Variants in ROBO1 observed in about 807,000 individuals in gnomAD.
The protein encoded by ROBO1 is roundabout homolog 1.
Under a neutral mutation model 195.9 loss-of-function variants are expected in ROBO1, and 149 were observed. The observed-to-expected ratio is 0.76, with a 90% CI of 0.67 to 0.87. ROBO1 has a LOEUF of 0.87. Ranked by LOEUF, ROBO1 falls within the 40% of genes least tolerant of loss-of-function variation. The pLI is 0.00. For missense variants in ROBO1, 1,933 were observed against 2,068.3 expected (o/e 0.93, Z 1.27); for synonymous variants, 816 against 733.2 (o/e 1.11, Z -1.82).
At chr3:78,717,070 G>A (rs754981733) in intron 7 of ROBO1, among the ~76,000 whole-genome samples, 1 of 151,996 alleles carries the variant, frequency 6.6e-6, no homozygotes. Flanking sequence ...TGCAGCCCAG[G>A]GTCACGAATG....
At chr3:79,288,903 C>A (rs1011211058) in intron 2 of ROBO1, among the ~76,000 whole-genome samples, 9 of 151,992 alleles carry the variant, frequency 5.9e-5, no homozygotes, top group African/African-American at 2.2e-4. Flanking sequence ...TCTTATTAAG[C>A]CCCCAAAATA....
At chr3:79,330,655 C>T (rs1304046546) in intron 2 of ROBO1, among the ~76,000 whole-genome samples, 2 of 120,218 alleles carry the variant, frequency 1.7e-5, no homozygotes, top group Non-Finnish European at 1.6e-5. Context: ...AAAATATTTG[C>T]TCTCTGGAAC....
chr3:79,053,482 G>A (rs1214715478), intron 3 of ROBO1, among the ~76,000 whole-genome samples: 1 of 151,814 alleles, frequency 6.6e-6, no homozygotes, highest in African/African-American at 2.4e-5. Context: ...TCAGCTAATG[G>A]CTCCAGGACC....
At chr3:79,056,874 G>C (rs543524047) in intron 3 of ROBO1, among the ~76,000 whole-genome samples, 11 of 152,134 alleles carry the variant, frequency 7.2e-5, no homozygotes, top group African/African-American at 2.6e-4. Flanking sequence ...AACTCTGTCT[G>C]TTTATCTGGA....
intron 1 of ROBO1, among the ~76,000 whole-genome samples, chr3:79,745,685 G>A (rs902019722): frequency 2.0e-5 from 3 of 152,084 alleles, no homozygotes; most frequent in Non-Finnish European, 2.9e-5. Context: ...GATAGCCAAG[G>A]TGTAACAAAT....
At chr3:79,400,761 G>A (rs899423298) in intron 2 of ROBO1, among the ~76,000 whole-genome samples, 2 of 151,750 alleles carry the variant, frequency 1.3e-5, no homozygotes, top group African/African-American at 4.8e-5. Flanking sequence ...AATCAGTATT[G>A]GAATTTTGAT....
chr3:79,661,107 C>T (rs1217947517), intron 1 of ROBO1, among the ~76,000 whole-genome samples: 5 of 152,004 alleles, frequency 3.3e-5, no homozygotes, highest in Non-Finnish European at 7.4e-5. Context: ...TACCCATACG[C>T]CCCTTCTTTG....
At chr3:79,215,805 C>T (rs2082046544) in intron 2 of ROBO1, among the ~76,000 whole-genome samples, 1 of 152,168 alleles carries the variant, frequency 6.6e-6, no homozygotes, top group Non-Finnish European at 1.5e-5. Context: ...GCATTAACTC[C>T]ATATCTTAAA....
chr3:79,569,689 GTA>G (rs751434363), intron 2 of ROBO1, among the ~76,000 whole-genome samples: 2,659 of 150,564 alleles, frequency 0.018, 36 homozygotes, highest in Non-Finnish European at 0.026. Context: ...ATGTGTGTGT[GTA>G]TATATATATG....
chr3:79,215,288 C>T (rs1576826252), intron 2 of ROBO1, among the ~76,000 whole-genome samples: 1 of 152,204 alleles, frequency 6.6e-6, no homozygotes, highest in African/African-American at 2.4e-5. Flanking sequence ...GACCAGTGTT[C>T]TTCTTGCTGA....
chr3:78,694,820 C>T (rs1281315041), intron 8 of ROBO1, among the ~76,000 whole-genome samples: 1 of 152,076 alleles, frequency 6.6e-6, no homozygotes, highest in Non-Finnish European at 1.5e-5. Context: ...TATAGGATTA[C>T]CGTTTGGATT....
chr3:79,250,768 A>C (rs1185010499), intron 2 of ROBO1, among the ~76,000 whole-genome samples: 1 of 152,172 alleles, frequency 6.6e-6, no homozygotes, highest in East Asian at 1.9e-4. Context: ...TTAAAAATGA[A>C]ATGAGGGCCA....
chr3:79,004,486 T>C (rs1470714703), intron 3 of ROBO1, among the ~76,000 whole-genome samples: 1 of 152,102 alleles, frequency 6.6e-6, no homozygotes, highest in Non-Finnish European at 1.5e-5. Context: ...GTGTATGCAA[T>C]ATGGCATGAC....
In ROBO1 at chr3:79,735,661, G is replaced by A. The variant is rs550238771; in HGVS notation, c.-51+32091C>T. ...CGAGGCGGGTGGATCATGAGGTCAG[G>A]AGATCGAGACCATCCTGGCTAACAG... On this transcript the variant is annotated intron_variant, in intron 1 of 30. Transcript: ENST00000464233. Among the ~76,000 whole-genome samples the A allele has an allele frequency of 3.9e-5, 6 of 152,302 alleles. No homozygotes were observed. In the East Asian group the frequency reaches 1.2e-3, roughly 29 times the overall value.
intron 2 of ROBO1, among the ~76,000 whole-genome samples, chr3:79,519,643 A>AG (rs1278021649): frequency 2.0e-5 from 3 of 150,262 alleles, no homozygotes; most frequent in Non-Finnish European, 4.4e-5. Flanking sequence ...AAAAAAAAAA[A>AG]AAAAAAGAAA....
intron 2 of ROBO1, among the ~76,000 whole-genome samples, chr3:79,218,490 A>G (rs1280245887): frequency 1.3e-5 from 2 of 151,998 alleles, no homozygotes; most frequent in East Asian, 1.9e-4. Flanking sequence ...TCCAAAATGC[A>G]TCTCTCTTAT....
intron 2 of ROBO1, among the ~76,000 whole-genome samples, chr3:79,549,915 A>G (rs962554156): frequency 3.3e-5 from 5 of 152,032 alleles, no homozygotes; most frequent in Non-Finnish European, 7.3e-5. Flanking sequence ...GCTTGAGGCC[A>G]GGAGTTTGTG....
At chr3:79,190,797 T>A (rs571461432) in intron 2 of ROBO1, among the ~76,000 whole-genome samples, 4 of 151,676 alleles carry the variant, frequency 2.6e-5, no homozygotes, top group African/African-American at 4.8e-5. Context: ...CCACAAACCA[T>A]CTCATGCGGA....
intron 2 of ROBO1, among the ~76,000 whole-genome samples, chr3:79,458,015 C>A (rs1159633835): frequency 6.6e-6 from 1 of 151,958 alleles, no homozygotes; most frequent in Non-Finnish European, 1.5e-5. Context: ...TTTTCTATCA[C>A]CCAATTCCAC....
Sources: gnomAD v4.1 joint callset for allele counts (sites outside exome capture counted in the v4.1 genomes callset) on GRCh38, gnomAD v4.1.1 for gene constraint, MANE v1.5 for transcripts, NCBI Gene and HGNC (gene_info 2026-07-23, HGNC 2026-07-21) for gene names.